COL15A1: variants seen among roughly 807,000 people sequenced by gnomAD.
COL15A1 encodes the protein collagen type XV alpha 1 chain, also known as collagen alpha-1(XV) chain.
Under a neutral mutation model 165.9 loss-of-function variants are expected in COL15A1, and 111 were observed. The ratio of observed to expected loss-of-function variants is 0.67; its 90% confidence interval spans 0.57 to 0.78. The LOEUF (loss-of-function observed/expected upper bound fraction) is 0.78, where lower values mean the gene tolerates loss of function less well. Among genes scored for constraint, COL15A1 ranks in the 30% least tolerant of loss-of-function variants. The probability of loss-of-function intolerance (pLI) is 0.00; values close to 1 mark genes in which losing one functional copy is unlikely to be tolerated. For synonymous variants in COL15A1, 659 were observed against 674.8 expected, an observed-to-expected ratio of 0.98 and a Z score of 0.36; for missense variants, 1,745 against 1,789.7, an observed-to-expected ratio of 0.98 and a Z score of 0.45.
intron 15 of COL15A1, among the ~76,000 whole-genome samples, chr9:99,025,247 A>G (rs1298419483): frequency 6.6e-6 from 1 of 152,214 alleles, no homozygotes; most frequent in African/African-American, 2.4e-5. Flanking sequence ...ATGGCCCCCT[A>G]CTTACGAATG....
intron 9 of COL15A1, among the ~76,000 whole-genome samples, chr9:99,012,658 C>G (rs1310575831): frequency 6.7e-6 from 1 of 149,672 alleles, no homozygotes; most frequent in Non-Finnish European, 1.5e-5. Context: ...GAAAGAGGGT[C>G]ATTCTCCTTG....
chr9:99,036,992 G>C (rs1331482192), intron 21 of COL15A1, among the ~76,000 whole-genome samples: 1 of 152,214 alleles, frequency 6.6e-6, no homozygotes, highest in African/African-American at 2.4e-5. Context: ...GCCAAGAGAA[G>C]CCAAGGATTA....
intron 2 of COL15A1, among the ~76,000 whole-genome samples, chr9:98,956,403 TGTTTTAA>T (rs1369561876): frequency 5.9e-5 from 9 of 152,200 alleles, no homozygotes; most frequent in South Asian, 2.1e-4. Flanking sequence ...TGCCAGGTGC[TGTTTTAA>T]GTTTTAATAT....
At chr9:98,974,488 G>A (rs538378306) in intron 2 of COL15A1, among the ~76,000 whole-genome samples, 1 of 152,164 alleles carries the variant, frequency 6.6e-6, no homozygotes, top group African/African-American at 2.4e-5. Flanking sequence ...TTGCTGGCAG[G>A]ACAAGCTGAC....
rs1038797080 is a variant in COL15A1, at chr9:99,069,774, T to C, written c.4055T>C (p.Leu1352Pro). 5.0e-6 allele frequency: 8 copies of C among 1,614,076 alleles called. No homozygotes were observed. The highest frequency in any genetic ancestry group is 6.8e-6 in the Non-Finnish European group (8 of 1,180,036). Residue 1352 changes from leucine to proline, a missense_variant, in exon 42 of 42, where the codon CTT (leucine) becomes CCT (proline). By Grantham distance (98) the Leu-to-Pro change is moderately conservative. Coordinates refer to ENST00000375001, the MANE Select transcript of COL15A1 (RefSeq NM_001855.5). ...ACCGCGGACACAGCGGTCACGGGAC[T>C]TGCCTCCCCGCTGAGCACGGGGAAG... ...WRTADTAVTG[L>P]ASPLSTGKIL...
At chr9:99,036,233 G>A in intron 20 of COL15A1, 28 bp downstream of exon 20, 3 of 1,613,248 alleles carry the variant, frequency 1.9e-6, no homozygotes, top group Non-Finnish European at 2.5e-6. Context: ...AGGTGGGGGT[G>A]GGAGGGCTTT....
In COL15A1 at chr9:98,952,270, T is replaced by C. The variant is rs752366310; in HGVS notation, c.100+8020T>C. Among the ~76,000 whole-genome samples the C allele has an allele frequency of 1.7e-4, 26 of 152,216 alleles. 1 individual carries two copies. The highest frequency in any genetic ancestry group is 7.3e-5 in the Non-Finnish European group (5 of 68,028). On this transcript the variant is annotated intron_variant, in intron 2 of 41. Coordinates refer to ENST00000375001, the MANE Select transcript of COL15A1 (RefSeq NM_001855.5). ...GGCTTTGTCAGCTGTAGGGTGACCT[T>C]GACTGAGTACTCAGGGAATATTATA...
rs1454578824 is a variant in COL15A1 at position 98,987,444 on chromosome 9, C to G, written c.723+76C>G. 7.2e-6 allele frequency: 10 copies of G among 1,380,068 alleles called. No individual in the cohort carries two copies. The Admixed American group carries it at 2.2e-4, about 30-fold the overall frequency. The allele number at this position is 1,380,068 out of a possible 1,614,324, so 85.5% of individuals were successfully genotyped here. A position where few individuals can be genotyped will look rare whatever the true frequency, so the allele number is the denominator to read the frequency against. ...GCCTGGGGAGGGCTGGATGCCCAGACAGTGGCGTGGAGTTTCTGAAACCTC... is the reference window on the plus strand; with the variant it reads ...GCCTGGGGAGGGCTGGATGCCCAGAGAGTGGCGTGGAGTTTCTGAAACCTC... On this transcript the variant is annotated intron_variant, in intron 4 of 41. Coordinates refer to ENST00000375001, the MANE Select transcript of COL15A1 (RefSeq NM_001855.5).
At chr9:99,042,633 C>T (rs991094403) in intron 24 of COL15A1, among the ~76,000 whole-genome samples, 3 of 152,078 alleles carry the variant, frequency 2.0e-5, no homozygotes, top group Non-Finnish European at 2.9e-5. Context: ...ACTTGTTGGA[C>T]GAAAGCATGT....
chr9:99,012,781 G>A (rs548587320), intron 9 of COL15A1, among the ~76,000 whole-genome samples: 163 of 138,524 alleles, frequency 1.2e-3, no homozygotes, highest in Middle Eastern at 4.2e-3. Context: ...GTACAATCTC[G>A]GCTCACTGCA....
chr9:99,056,545 G>C lies in COL15A1; in HGVS notation c.3337+141G>C, dbSNP rs1825723436. ...CGCCTTCTTTCTTTTTTTTTTAATT[G>C]AGATACAATTTGCACATCATAAAAT... On this transcript the variant is annotated intron_variant, in intron 35 of 41. Transcript: ENST00000375001. 4 of 1,310,236 alleles carry C rather than the reference G, an allele frequency of 3.1e-6. No homozygotes were observed. The African/African-American group carries it at 6.0e-5, about 20-fold the overall frequency. 81.2% of individuals were successfully genotyped at this position (1,310,236 alleles called of 1,614,324 possible). A position where few individuals can be genotyped will look rare whatever the true frequency, so the allele number is the denominator to read the frequency against.
intron 16 of COL15A1, 70 bp from the exon 17 acceptor site, chr9:99,034,479 C>T (rs1359785353): frequency 3.9e-6 from 6 of 1,520,190 alleles, no homozygotes; most frequent in Non-Finnish European, 5.3e-6. Context: ...CATAATTGTG[C>T]ATTGTCTTCA....
chr9:99,051,995 A>C (rs966885582), intron 30 of COL15A1, among the ~76,000 whole-genome samples: 1 of 152,220 alleles, frequency 6.6e-6, no homozygotes, highest in Non-Finnish European at 1.5e-5. Context: ...ACGGTTGGGC[A>C]TGTCACTTGC....
intron 12 of COL15A1, among the ~76,000 whole-genome samples, chr9:99,020,999 T>G (rs1839017503): frequency 6.6e-6 from 1 of 152,228 alleles, no homozygotes; most frequent in African/African-American, 2.4e-5. Flanking sequence ...TTAGCTGGTG[T>G]CAGTCACTGC....
intron 15 of COL15A1, among the ~76,000 whole-genome samples, 178 bp downstream of exon 15, chr9:99,025,177 A>T (rs1839102567): frequency 6.6e-6 from 1 of 152,262 alleles, no homozygotes. Context: ...CGAAAGAAGC[A>T]GCAGCCAAGA....
intron 9 of COL15A1, among the ~76,000 whole-genome samples, chr9:99,014,870 A>ATGCAAT: frequency 6.6e-6 from 1 of 152,310 alleles, no homozygotes; most frequent in East Asian, 1.9e-4. Flanking sequence ...AGGTAGATAA[A>ATGCAAT]AGACAAATGA....
chr9:99,025,464 G>A (rs975699831), intron 15 of COL15A1, among the ~76,000 whole-genome samples: 2 of 152,230 alleles, frequency 1.3e-5, no homozygotes, highest in Admixed American at 1.3e-4. Context: ...AAGCTATGAT[G>A]TTCAGTAGAT....
intron 8 of COL15A1, among the ~76,000 whole-genome samples, 184 bp downstream of exon 8, chr9:99,003,771 C>T (rs2031273967): frequency 6.6e-6 from 1 of 152,228 alleles, no homozygotes; most frequent in African/African-American, 2.4e-5. Flanking sequence ...CAGAGCCCTA[C>T]ACTGTGCTGG....
chr9:98,975,348 C>A (rs753771440), intron 2 of COL15A1, among the ~76,000 whole-genome samples: 3 of 152,198 alleles, frequency 2.0e-5, no homozygotes, highest in Non-Finnish European at 2.9e-5. Context: ...CTTCAGGACC[C>A]CACAGATGGA....
Sources: gnomAD v4.1 joint callset for allele counts (sites outside exome capture counted in the v4.1 genomes callset) on GRCh38, gnomAD v4.1.1 for gene constraint, MANE v1.5 for transcripts, NCBI Gene and HGNC (gene_info 2026-07-23, HGNC 2026-07-21) for gene names.